The following GPR158 variants were observed in gnomAD, a reference collection of about 807,000 sequenced individuals.
GPR158 encodes the protein metabotropic glycine receptor.
Under a neutral mutation model 78.2 loss-of-function variants are expected in GPR158, and 30 were observed. The ratio of observed to expected loss-of-function variants is 0.38; its 90% CI spans 0.29 to 0.52. GPR158 has a LOEUF of 0.52. Ranked by LOEUF, GPR158 falls within the 20% of genes least tolerant of loss-of-function variation. The pLI is 0.83. For missense variants in GPR158, 1,463 were observed against 1,523.5 expected (o/e 0.96, Z 0.66); for synonymous variants, 581 against 591.1 (o/e 0.98, Z 0.25).
intron 2 of GPR158, among the ~76,000 whole-genome samples, chr10:25,357,149 T>G (rs1855565722): frequency 6.6e-6 from 1 of 152,080 alleles, no homozygotes. Context: ...TGATTTAGGG[T>G]ATCTGGCAGA....
chr10:25,401,452 T>C (rs1294454817), intron 3 of GPR158, among the ~76,000 whole-genome samples: 3 of 152,092 alleles, frequency 2.0e-5, no homozygotes, highest in African/African-American at 7.2e-5. Flanking sequence ...TAATGAAAAA[T>C]GCGAATTGAA....
intron 2 of GPR158, among the ~76,000 whole-genome samples, chr10:25,234,514 G>A (rs1261761837): frequency 1.3e-5 from 2 of 151,984 alleles, no homozygotes; most frequent in South Asian, 2.1e-4. Flanking sequence ...TTTTGACTTC[G>A]TTTTCTTAAA....
intron 5 of GPR158, among the ~76,000 whole-genome samples, chr10:25,467,188 T>A (rs1835436867): frequency 6.6e-6 from 1 of 152,174 alleles, no homozygotes. Context: ...ATTTTCTGGT[T>A]GACAATTGGT....
At chr10:25,381,715 A>G (rs750157694) in intron 2 of GPR158, among the ~76,000 whole-genome samples, 1 of 152,216 alleles carries the variant, frequency 6.6e-6, no homozygotes, top group Non-Finnish European at 1.5e-5. Context: ...TTTACATTTA[A>G]AAGTATTTTT....
At chr10:25,427,817 T>C (rs976977955) in intron 4 of GPR158, among the ~76,000 whole-genome samples, 28 of 152,110 alleles carry the variant, frequency 1.8e-4, no homozygotes, top group African/African-American at 6.8e-4. Flanking sequence ...TCATCATTAC[T>C]GTTTTTCTTA....
At chr10:25,303,693 A>G (rs184721398) in intron 2 of GPR158, among the ~76,000 whole-genome samples, 67 of 152,328 alleles carry the variant, frequency 4.4e-4, no homozygotes, top group African/African-American at 1.6e-3. Context: ...GAATCTCAGC[A>G]TATTAAAGCT....
At chr10:25,490,105 C>G (rs1195566921) in intron 5 of GPR158, among the ~76,000 whole-genome samples, 1 of 152,010 alleles carries the variant, frequency 6.6e-6, no homozygotes, top group Non-Finnish European at 1.5e-5. Context: ...AACTGTACAA[C>G]CTCAAGAGCA....
Position 25,175,389 on chromosome 10 carries a change from T to G in GPR158, c.-32T>G. Reference sequence around the variant, plus strand: ...AAATTTAAAAAGTGATTCCCCCCCCTCCCGTTCCCTCCTCTTCTCTCTGGG... The same window carrying G: ...AAATTTAAAAAGTGATTCCCCCCCCGCCCGTTCCCTCCTCTTCTCTCTGGG... On this transcript the variant is annotated 5_prime_UTR_variant, in exon 1 of 11. Coordinates refer to ENST00000376351, the MANE Select transcript of GPR158 (RefSeq NM_020752.3). The surrounding 1 kb of genome is among the most constrained non-coding windows in gnomAD (Gnocchi z 6.4). 6 of 1,304,312 alleles carry G rather than the reference T, an allele frequency of 4.6e-6. No individual in the cohort carries two copies. Among genetic ancestry groups the G allele is most frequent in the Non-Finnish European group, 6.4e-6 (6 of 942,830 alleles). 80.8% of individuals were successfully genotyped at this position (1,304,312 alleles called of 1,614,324 possible).
intron 2 of GPR158, among the ~76,000 whole-genome samples, chr10:25,280,719 G>A (rs1372803162): frequency 1.3e-5 from 2 of 152,040 alleles, no homozygotes; most frequent in Admixed American, 6.6e-5. Context: ...ATGTATGTAT[G>A]TATGTATGTA....
chr10:25,413,956 T>C (rs867599547), intron 4 of GPR158, among the ~76,000 whole-genome samples: 2 of 152,216 alleles, frequency 1.3e-5, no homozygotes, highest in African/African-American at 2.4e-5. Flanking sequence ...TTGAGAAATA[T>C]ATAACCACTG....
chr10:25,505,697 C>A (rs1836003886), intron 5 of GPR158, among the ~76,000 whole-genome samples: 1 of 152,172 alleles, frequency 6.6e-6, no homozygotes. Context: ...CCTGTTAGCA[C>A]CCTCTACTCC....
In GPR158 at chr10:25,598,549, A is replaced by C; in HGVS notation, c.2923A>C (p.Ile975Leu). Residue 975 changes from isoleucine to leucine, a missense_variant, in exon 11 of 11, where the codon ATT (isoleucine) becomes CTT (leucine). Coordinates refer to ENST00000376351, the MANE Select transcript of GPR158 (RefSeq NM_020752.3). The stretch of plus-strand genomic sequence containing the variant: ...GCCAAGAAAGCCTCAGAAATCTGGG[A>C]TTATGAAACAACAAAGGGTCAACCC... ...EEPRKPQKSG[I>L]MKQQRVNPTT... is the part of the protein sequence containing the mutation. The C allele has an allele frequency of 6.2e-7, 1 of 1,614,004 alleles. No homozygotes were observed. Among genetic ancestry groups the C allele is most frequent in the Non-Finnish European group, 8.5e-7 (1 of 1,180,014 alleles).
chr10:25,316,993 A>G (rs967404786), intron 2 of GPR158, among the ~76,000 whole-genome samples: 2 of 151,004 alleles, frequency 1.3e-5, no homozygotes, highest in African/African-American at 4.9e-5. Flanking sequence ...TCAATTATAC[A>G]TATCCATTCT....
chr10:25,517,628 A>C (rs1836199175), intron 5 of GPR158, among the ~76,000 whole-genome samples: 1 of 152,106 alleles, frequency 6.6e-6, no homozygotes, highest in Non-Finnish European at 1.5e-5. Flanking sequence ...TATTGAGATA[A>C]TCATGTGGTT....
At chr10:25,365,769 AT>A (rs1420880783) in intron 2 of GPR158, among the ~76,000 whole-genome samples, 1 of 151,666 alleles carries the variant, frequency 6.6e-6, no homozygotes, top group Non-Finnish European at 1.5e-5. Context: ...TAAATGTTTC[AT>A]AAAAGCACAT....
rs751208093 is a variant in GPR158, at chr10:25,175,547, A to C, written c.127A>C (p.Lys43Gln). Residue 43 changes from lysine to glutamine, a missense_variant, in exon 1 of 11, where the codon AAG becomes CAG. Physicochemically the swap from Lys to Gln is moderately conservative, Grantham distance 53. Transcript: ENST00000376351. This position sits in a 1 kb window ranked among gnomAD's most constrained non-coding sequence, Gnocchi z 6.4. ...DSPRERTPKG[K>Q]PHAQQPGRAS... ...CCCTCGAGAGAGGACCCCGAAGGGG[A>C]AGCCGCACGCCCAGCAGCCGGGTCG... The C allele has an allele frequency of 2.5e-6, 4 of 1,611,392 alleles. No homozygotes were observed. In the East Asian group the frequency reaches 8.9e-5, roughly 36 times the overall value.
chr10:25,477,101 T>G (rs1835597563), intron 5 of GPR158, among the ~76,000 whole-genome samples: 1 of 152,062 alleles, frequency 6.6e-6, no homozygotes, highest in Non-Finnish European at 1.5e-5. Context: ...AACTAAAACT[T>G]AAGACTTTTT....
At chr10:25,189,858 G>C (rs1259753557) in intron 1 of GPR158, among the ~76,000 whole-genome samples, 1 of 150,372 alleles carries the variant, frequency 6.7e-6, no homozygotes, top group Non-Finnish European at 1.5e-5. Context: ...GTGTGTGTGT[G>C]TGTGTGTGTG....
rs912151372 is a variant in GPR158 at position 25,589,055 on chromosome 10, G to A, written c.1802G>A (p.Arg601Gln). ...GGTGTTTATCTCTGCTATGCAGTGC[G>A]GACAGTCCCATCGGCATTCCATGAG... ...LWGVYLCYAV[R>Q]TVPSAFHEPR... is the part of the protein sequence containing the mutation. The change falls in exon 8 of 11, where the codon CGG (arginine) becomes CAG (glutamine). Residue 601 changes from arginine (R) to glutamine (Q), a missense_variant. Physicochemically the swap from Arg to Gln is conservative, Grantham distance 43. Transcript: ENST00000376351. 4.3e-6 allele frequency: 7 copies of A among 1,611,410 alleles called. No homozygotes were observed. The highest frequency in any genetic ancestry group is 1.1e-5 in the South Asian group (1 of 90,826).
Sources: gnomAD v4.1 joint callset for allele counts (sites outside exome capture counted in the v4.1 genomes callset) on GRCh38, gnomAD v4.1.1 for gene constraint, Gnocchi (gnomAD v3.1) non-coding constraint, MANE v1.5 for transcripts, NCBI Gene and HGNC (gene_info 2026-07-23, HGNC 2026-07-21) for gene names.